Variants in BMP6 observed in about 807,000 individuals in gnomAD.
BMP6 encodes the protein VG-1-R.
In BMP6, 17 loss-of-function variants were observed where a neutral mutation model predicts 54.1. The observed-to-expected ratio is 0.31, with a 90% CI of 0.22 to 0.47. The LOEUF (loss-of-function observed/expected upper bound fraction) is 0.47. Ranked by LOEUF, BMP6 falls within the 20% of genes least tolerant of loss-of-function variation. The pLI is 1.00. For synonymous variants in BMP6, 328 were observed against 291.2 expected (o/e 1.13, Z -1.28); for missense variants, 720 against 690.4 (o/e 1.04, Z -0.48).
intron 1 of BMP6, among the ~76,000 whole-genome samples, chr6:7,758,570 AC>A (rs1338557168): frequency 1.3e-5 from 2 of 152,202 alleles, no homozygotes; most frequent in Non-Finnish European, 2.9e-5. Flanking sequence ...TCTCTTCCCT[AC>A]AGTGCCTTGT....
At chr6:7,853,279 T>C (rs1190151012) in intron 2 of BMP6, among the ~76,000 whole-genome samples, 4 of 152,174 alleles carry the variant, frequency 2.6e-5, no homozygotes, top group Non-Finnish European at 5.9e-5. Flanking sequence ...CTTAAGTCTT[T>C]GAAGTATAGT....
At chr6:7,786,079 G>C (rs1392357457) in intron 1 of BMP6, among the ~76,000 whole-genome samples, 1 of 152,230 alleles carries the variant, frequency 6.6e-6, no homozygotes, top group Non-Finnish European at 1.5e-5. Flanking sequence ...CCTCCTAGTA[G>C]AGGGAAAGCA....
chr6:7,745,626 T>A (rs1051793975), intron 1 of BMP6, among the ~76,000 whole-genome samples: 3 of 151,924 alleles, frequency 2.0e-5, no homozygotes, highest in African/African-American at 7.3e-5. Context: ...CATGACAGAG[T>A]TAATTTGGTT....
At chr6:7,737,618 T>C (rs1761974594) in intron 1 of BMP6, among the ~76,000 whole-genome samples, 1 of 152,076 alleles carries the variant, frequency 6.6e-6, no homozygotes, top group Non-Finnish European at 1.5e-5. Context: ...TTAGAGTCCC[T>C]TTCTGTCTTG....
intron 2 of BMP6, among the ~76,000 whole-genome samples, chr6:7,858,480 G>T (rs937390713): frequency 6.6e-6 from 1 of 151,954 alleles, no homozygotes; most frequent in African/African-American, 2.4e-5. Context: ...GGTAGACTTT[G>T]GTCCCTTACT....
chr6:7,735,221 G>T (rs1193063466), intron 1 of BMP6, among the ~76,000 whole-genome samples: 1 of 152,186 alleles, frequency 6.6e-6, no homozygotes. Context: ...GAACGTCTGC[G>T]TTTGTTGATT....
chr6:7,727,475 C>G lies in BMP6; in HGVS notation c.520C>G (p.Pro174Ala). 2 of 1,594,570 alleles carry G rather than the reference C, an allele frequency of 1.3e-6. No homozygotes were observed. The highest frequency in any genetic ancestry group is 4.5e-5 in the East Asian group (2 of 44,486). Residue 174 changes from proline (P) to alanine (A), a missense_variant, in exon 1 of 7, where the codon CCG (proline) becomes GCG (alanine). Pro to Ala is a conservative substitution (Grantham distance 27). Coordinates refer to ENST00000283147, the MANE Select transcript of BMP6 (RefSeq NM_001718.6). ...AGCCAGCTCGTCCCAGCGTCGGCAGCCGCCCCCGGGCGCCGCGCACCCGCT... is the reference window on the plus strand; with the variant it reads ...AGCCAGCTCGTCCCAGCGTCGGCAGGCGCCCCCGGGCGCCGCGCACCCGCT... Reference protein sequence around the residue: ...EAASSSQRRQPPPGAAHPLNR... With the variant: ...EAASSSQRRQAPPGAAHPLNR...
At chr6:7,750,000 G>A (rs575167826) in intron 1 of BMP6, among the ~76,000 whole-genome samples, 1 of 152,348 alleles carries the variant, frequency 6.6e-6, no homozygotes, top group South Asian at 2.1e-4. Context: ...GCACTTCAGA[G>A]TATAGAACGG....
chr6:7,841,694 T>C (rs1758973204), intron 1 of BMP6, among the ~76,000 whole-genome samples: 1 of 152,116 alleles, frequency 6.6e-6, no homozygotes, highest in South Asian at 2.1e-4. Context: ...GGTAATGGGA[T>C]GGGCGTGAGA....
chr6:7,878,532 A>C (rs1759658022), intron 4 of BMP6, among the ~76,000 whole-genome samples: 1 of 152,174 alleles, frequency 6.6e-6, no homozygotes, highest in Non-Finnish European at 1.5e-5. Flanking sequence ...ACAGCCAGAG[A>C]GAGCATTGCC....
At chr6:7,879,770 G>C (rs1456964603) in intron 5 of BMP6, among the ~76,000 whole-genome samples, 1 of 152,180 alleles carries the variant, frequency 6.6e-6, no homozygotes, top group Non-Finnish European at 1.5e-5. Flanking sequence ...CTGAGGCCCT[G>C]TGGGCCTCTG....
At chr6:7,868,799 TCAGCCCAGGG>T (rs1037646454) in intron 4 of BMP6, among the ~76,000 whole-genome samples, 2 of 152,042 alleles carry the variant, frequency 1.3e-5, no homozygotes, top group African/African-American at 4.8e-5. Flanking sequence ...GCCTGCGGGG[TCAGCCCAGGG>T]CAGCCGAGTG....
intron 1 of BMP6, among the ~76,000 whole-genome samples, chr6:7,743,820 C>CT (rs1362282930): frequency 3.3e-5 from 5 of 152,214 alleles, no homozygotes; most frequent in Non-Finnish European, 7.3e-5. Context: ...GTACATGCTG[C>CT]TTTTTCCTAC....
chr6:7,796,328 A>C (rs1195308754), intron 1 of BMP6, among the ~76,000 whole-genome samples: 1 of 152,234 alleles, frequency 6.6e-6, no homozygotes, highest in Non-Finnish European at 1.5e-5. Flanking sequence ...GTTTTGGCAG[A>C]TTTTATGAGG....
chr6:7,794,829 C>T (rs1458902983), intron 1 of BMP6, among the ~76,000 whole-genome samples: 3 of 152,114 alleles, frequency 2.0e-5, no homozygotes, highest in African/African-American at 4.8e-5. Flanking sequence ...TCTGACTTCA[C>T]TGTGCCATAC....
Position 7,807,951 on chromosome 6 carries a change from T to C in BMP6, c.665-37189T>C, listed in dbSNP as rs568288710. On this transcript the variant is annotated intron_variant, in intron 1 of 6. Coordinates refer to ENST00000283147, the MANE Select transcript of BMP6 (RefSeq NM_001718.6). ...TTTTTTTTTTTTTGAGACGGAGTCT[T>C]GCTCTGTTGCCCAGGCTGGAGTGCA... Among the ~76,000 whole-genome samples, 61 of 145,800 alleles carry C rather than the reference T, an allele frequency of 4.2e-4. No homozygotes were observed. In the East Asian group the frequency reaches 5.1e-3, roughly 12 times the overall value.
At chr6:7,775,080 AGATCCCTCGTG>A (rs1279683938) in intron 1 of BMP6, among the ~76,000 whole-genome samples, 1 of 152,212 alleles carries the variant, frequency 6.6e-6, no homozygotes, top group East Asian at 1.9e-4. Flanking sequence ...TCATGAAGGC[AGATCCCTCGTG>A]ACCTAATCAC....
At chr6:7,809,870 A>G (rs1401284609) in intron 1 of BMP6, among the ~76,000 whole-genome samples, 1 of 152,214 alleles carries the variant, frequency 6.6e-6, no homozygotes, top group Non-Finnish European at 1.5e-5. Context: ...ATTATCAAAG[A>G]CAGCAAAATT....
At chr6:7,799,540 A>G (rs1758238828) in intron 1 of BMP6, among the ~76,000 whole-genome samples, 1 of 152,138 alleles carries the variant, frequency 6.6e-6, no homozygotes, top group African/African-American at 2.4e-5. Context: ...AGTATAGACA[A>G]TGATGAAATT....
Sources: gnomAD v4.1 joint callset for allele counts (sites outside exome capture counted in the v4.1 genomes callset) on GRCh38, gnomAD v4.1.1 for gene constraint, MANE v1.5 for transcripts, NCBI Gene and HGNC (gene_info 2026-07-23, HGNC 2026-07-21) for gene names.